ARID1B: variants seen among roughly 807,000 people sequenced by gnomAD.
ARID1B encodes AT-rich interactive domain-containing protein 1B.
In ARID1B, 30 loss-of-function variants were observed where a neutral mutation model predicts 212.3. That is an observed-to-expected ratio of 0.14 (90% CI 0.11 to 0.19). ARID1B has a LOEUF of 0.19. Among genes scored for constraint, ARID1B ranks in the 10% least tolerant of loss-of-function variants. The probability of loss-of-function intolerance (pLI) is 1.00; values close to 1 mark genes in which losing one functional copy is unlikely to be tolerated. For synonymous variants in ARID1B, 1,402 were observed against 1,301.7 expected (o/e 1.08, Z -1.66); for missense variants, 2,891 against 3,204.0 (o/e 0.90, Z 2.36).
At chr6:156,948,213 A>G (rs1793305228) in intron 4 of ARID1B, among the ~76,000 whole-genome samples, 1 of 152,136 alleles carries the variant, frequency 6.6e-6, no homozygotes, top group South Asian at 2.1e-4. Flanking sequence ...TAGTTGCTGC[A>G]TTTATTTATT....
intron 5 of ARID1B, among the ~76,000 whole-genome samples, chr6:157,109,224 T>G (rs752386521): frequency 1.2e-4 from 18 of 152,148 alleles, no homozygotes; most frequent in Admixed American, 6.5e-5. Context: ...CCAGGCTTTG[T>G]GCTGAATGTG....
intron 4 of ARID1B, among the ~76,000 whole-genome samples, chr6:156,980,248 C>CGAGGTGGGTAGATCACCTGCGGTCAG (rs1777520525): frequency 6.6e-6 from 1 of 151,984 alleles, no homozygotes; most frequent in African/African-American, 2.4e-5. Context: ...TTTGGTAGGC[C>CGAGGTGGGTAGATCACCTGCGGTCAG]GAGGTGGGTA....
rs2128376660 is a variant in ARID1B at position 157,201,410 on chromosome 6, A to G, written c.5185A>G (p.Ile1729Val). 4 of 1,582,536 alleles carry G rather than the reference A, an allele frequency of 2.5e-6. No individual in the cohort carries two copies. Among genetic ancestry groups the G allele is most frequent in the Non-Finnish European group, 3.4e-6 (4 of 1,160,996 alleles). Reference protein sequence around the residue: ...PPQPPPIRREITFPPGSVEAS... With the variant: ...PPQPPPIRREVTFPPGSVEAS... The stretch of plus-strand genomic sequence containing the variant: ...CCAACCACCCCCAATCAGAAGGGAG[A>G]TCACCTTTCCTCCTGGCTCAGTAGA... Residue 1729 changes from isoleucine (I) to valine (V), a missense_variant, in exon 18 of 20, where the codon ATC (isoleucine) becomes GTC (valine). This residue lies in a region of ARID1B where 666 missense variants were observed against 873.5 expected (regional missense o/e 0.76). Coordinates refer to ENST00000636930, the MANE Select transcript of ARID1B (RefSeq NM_001374828.1). This position sits in a 1 kb window ranked among gnomAD's most constrained non-coding sequence, Gnocchi z 5.2.
chr6:156,817,429 A>G (rs1782045158), intron 1 of ARID1B, among the ~76,000 whole-genome samples: 1 of 152,132 alleles, frequency 6.6e-6, no homozygotes, highest in South Asian at 2.1e-4. Flanking sequence ...TGAGCCCAGG[A>G]GTTTGAGACC....
intron 4 of ARID1B, among the ~76,000 whole-genome samples, chr6:157,046,593 C>T (rs1028906972): frequency 4.6e-5 from 7 of 152,138 alleles, no homozygotes; most frequent in Non-Finnish European, 8.8e-5. Context: ...AAGTGTTTTA[C>T]CATTTGTTAG....
chr6:156,820,495 T>A (rs1782277986), intron 1 of ARID1B, among the ~76,000 whole-genome samples: 1 of 152,222 alleles, frequency 6.6e-6, no homozygotes, highest in East Asian at 1.9e-4. Flanking sequence ...ATTGAGTGGT[T>A]TAGCTCTGCC....
intron 11 of ARID1B, 166 bp downstream of exon 11, chr6:157,175,171 G>C (rs1250643986): frequency 1.7e-5 from 10 of 585,032 alleles, no homozygotes; most frequent in Admixed American, 4.6e-5. Context: ...TAATATTAGT[G>C]ACAAAATGAA....
chr6:157,193,645 C>G (rs141200513), intron 15 of ARID1B: 1 of 152,250 alleles, frequency 6.6e-6, no homozygotes, highest in East Asian at 1.9e-4. Flanking sequence ...GCTGCAGCCT[C>G]CTCCATGGGG....
At chr6:156,982,980 A>C (rs1006219496) in intron 4 of ARID1B, among the ~76,000 whole-genome samples, 13 of 152,118 alleles carry the variant, frequency 8.5e-5, no homozygotes, top group African/African-American at 2.9e-4. Context: ...CTGTAATCCC[A>C]GCTACTCTGG....
intron 4 of ARID1B, among the ~76,000 whole-genome samples, chr6:156,958,723 T>C (rs7770330): frequency 0.39 from 59,934 of 151,972 alleles, 14,836 homozygotes; most frequent in African/African-American, 0.7. Context: ...ATCGTCTTCC[T>C]CCTTCCTTTT....
chr6:156,864,302 C>T (rs1193462517), intron 2 of ARID1B, among the ~76,000 whole-genome samples: 1 of 152,148 alleles, frequency 6.6e-6, no homozygotes, highest in African/African-American at 2.4e-5. Flanking sequence ...TGCTCTCTGA[C>T]AAATTGTTAT....
Position 157,201,366 on chromosome 6 carries a change from A to C in ARID1B, c.5141A>C (p.Gln1714Pro), listed in dbSNP as rs1421604716. 1 of 1,611,040 alleles carries C rather than the reference A, an allele frequency of 6.2e-7. No individual in the cohort carries two copies. The highest frequency in any genetic ancestry group is 1.3e-5 in the African/African-American group (1 of 74,874). ...QKVMPTVPTSQVTGPPPQPPP... is the reference protein window; with the variant it reads ...QKVMPTVPTSPVTGPPPQPPP... ...GTCATGCCCACGGTCCCCACATCCCAGGTCACCGGGCCACCACCCCAACCA... is the reference window on the plus strand; with the variant it reads ...GTCATGCCCACGGTCCCCACATCCCCGGTCACCGGGCCACCACCCCAACCA... Residue 1714 changes from glutamine to proline, a missense_variant, in exon 18 of 20, where the codon CAG becomes CCG. Gln to Pro is a moderately conservative substitution (Grantham distance 76). Coordinates refer to ENST00000636930, the MANE Select transcript of ARID1B (RefSeq NM_001374828.1). The surrounding 1 kb of genome is among the most constrained non-coding windows in gnomAD (Gnocchi z 5.2).
intron 2 of ARID1B, among the ~76,000 whole-genome samples, chr6:156,842,482 G>A (rs761970676): frequency 1.3e-5 from 2 of 152,152 alleles, no homozygotes; most frequent in Non-Finnish European, 2.9e-5. Flanking sequence ...TTGGATATAT[G>A]CATCACATTT....
intron 4 of ARID1B, chr6:156,942,634 A>G (rs1206004884): frequency 6.6e-6 from 1 of 151,354 alleles, no homozygotes; most frequent in Non-Finnish European, 1.5e-5. Context: ...AAAAAAAAAC[A>G]CATGACTCTA....
At chr6:157,071,675 A>C (rs909204559) in intron 4 of ARID1B, 7 of 152,226 alleles carry the variant, frequency 4.6e-5, no homozygotes, top group African/African-American at 1.7e-4. Context: ...AGTTGCCAGC[A>C]GTGAAAGAAT....
chr6:156,778,038 T>G lies in ARID1B; in HGVS notation c.358T>G (p.Ser120Ala). The G allele has an allele frequency of 6.5e-7, 1 of 1,531,874 alleles. No homozygotes were observed. Among genetic ancestry groups the G allele is most frequent in the South Asian group, 1.2e-5 (1 of 83,698 alleles). 94.9% of individuals were successfully genotyped at this position (1,531,874 alleles called of 1,614,324 possible). The change falls in exon 1 of 20, where the codon TCC becomes GCC. Residue 120 changes from serine (S) to alanine (A), a missense_variant. Ser to Ala is a moderately conservative substitution (Grantham distance 99). Coordinates refer to ENST00000636930, the MANE Select transcript of ARID1B (RefSeq NM_001374828.1). ...EGGSAAALSSSSSSSAAAAAA... is the reference protein window; with the variant it reads ...EGGSAAALSSASSSSAAAAAA... ...TGGAAGCGCCGCCGCGCTGTCCTCC[T>G]CCTCCTCCTCCTCCGCGGCGGCAGC...
intron 4 of ARID1B, among the ~76,000 whole-genome samples, chr6:156,967,780 T>C (rs1794872099): frequency 6.6e-6 from 1 of 152,260 alleles, no homozygotes; most frequent in South Asian, 2.1e-4. Flanking sequence ...TAGACTTATA[T>C]TTGAAACATA....
chr6:156,818,136 T>G (rs1419158158), intron 1 of ARID1B, among the ~76,000 whole-genome samples: 1 of 129,510 alleles, frequency 7.7e-6, no homozygotes, highest in African/African-American at 2.9e-5. Context: ...GAATATAAGA[T>G]TTGACCATAT....
At position 157,177,348 on chromosome 6, in the gene ARID1B, C is replaced by T. The variant is rs112246991; in HGVS notation, c.3504+2343C>T. Among the ~76,000 whole-genome samples, 1,039 of 152,330 alleles carry T rather than the reference C, an allele frequency of 6.8e-3. 10 individuals carry two copies. The highest frequency in any genetic ancestry group is 0.024 in the African/African-American group (990 of 41,574). On this transcript the variant is annotated intron_variant, in intron 11 of 19. Coordinates refer to ENST00000636930, the MANE Select transcript of ARID1B (RefSeq NM_001374828.1). Reference sequence around the variant, plus strand: ...TATAATGAAGAACCTAACATTATCTCTGCTATCAAATCACTGCAAATACAT... The same window carrying T: ...TATAATGAAGAACCTAACATTATCTTTGCTATCAAATCACTGCAAATACAT...
Sources: gnomAD v4.1 joint callset for allele counts (sites outside exome capture counted in the v4.1 genomes callset) on GRCh38, gnomAD v4.1.1 for gene constraint, gnomAD v4.1.1 regional missense constraint, Gnocchi (gnomAD v3.1) non-coding constraint, MANE v1.5 for transcripts, NCBI Gene and HGNC (gene_info 2026-07-23, HGNC 2026-07-21) for gene names.